Variants in KCTD16 observed in about 807,000 individuals in gnomAD.
The protein encoded by KCTD16 is BTB/POZ domain-containing protein KCTD16.
A neutral mutation model predicts 33.2 loss-of-function variants in KCTD16; 13 were observed. The ratio of observed to expected loss-of-function variants is 0.39; its 90% CI spans 0.25 to 0.62. The LOEUF is 0.62. KCTD16 is among the 20% of genes least tolerant of loss of function. The pLI is 0.50. For missense variants in KCTD16, 441 were observed against 525.1 expected, an observed-to-expected ratio of 0.84 and a Z score of 1.57; for synonymous variants, 197 against 195.3, an observed-to-expected ratio of 1.01 and a Z score of -0.07.
intron 3 of KCTD16, among the ~76,000 whole-genome samples, chr5:144,433,337 T>G (rs1360889116): frequency 6.6e-6 from 1 of 152,128 alleles, no homozygotes; most frequent in Admixed American, 6.6e-5. Flanking sequence ...TGAGGCAATA[T>G]GGACTGGCAC....
rs1279875458 is a variant in KCTD16 at position 144,342,487 on chromosome 5, G to A, written c.833-131173G>A. ...AAGGAGATTTTGGGCTGAGACAATG[G>A]GGTTTTCTAGATATACAATCATGTC... On this transcript the variant is annotated intron_variant, in intron 3 of 3. Coordinates refer to ENST00000512467, the MANE Select transcript of KCTD16 (RefSeq NM_020768.4). Among the ~76,000 whole-genome samples the A allele has an allele frequency of 2.6e-5, 4 of 152,272 alleles. No homozygotes were observed. The East Asian group carries it at 7.7e-4, about 29-fold the overall frequency.
intron 3 of KCTD16, among the ~76,000 whole-genome samples, chr5:144,382,334 G>T (rs776722366): frequency 4.6e-5 from 7 of 151,730 alleles, no homozygotes; most frequent in Non-Finnish European, 7.4e-5. Context: ...CCAGCAATAC[G>T]CAATTTACTC....
chr5:144,275,031 G>T (rs555401650), intron 3 of KCTD16, among the ~76,000 whole-genome samples: 1 of 152,138 alleles, frequency 6.6e-6, no homozygotes, highest in Non-Finnish European at 1.5e-5. Context: ...TTCTTTAACC[G>T]TATATTAAAA....
At chr5:144,254,819 G>A (rs1049922863) in intron 3 of KCTD16, among the ~76,000 whole-genome samples, 9 of 151,960 alleles carry the variant, frequency 5.9e-5, no homozygotes, top group Non-Finnish European at 2.9e-5. Flanking sequence ...GAGTGCAGTG[G>A]TGTAATCACA....
At chr5:144,369,101 G>C (rs1751904248) in intron 3 of KCTD16, among the ~76,000 whole-genome samples, 1 of 152,066 alleles carries the variant, frequency 6.6e-6, no homozygotes, top group Non-Finnish European at 1.5e-5. Context: ...GTGTGAGAGA[G>C]AAAAGGAGCC....
Position 144,484,532 on chromosome 5 carries a change from C to T in KCTD16, c.*10418C>T, listed in dbSNP as rs1754764471. 1 of 151,918 alleles carries T rather than the reference C, an allele frequency of 6.6e-6. No homozygotes were observed. Among genetic ancestry groups the T allele is most frequent in the Admixed American group, 6.6e-5 (1 of 15,218 alleles). The allele number at this position is 151,918 out of a possible 1,614,324, so 9.4% of individuals were successfully genotyped here. ...TTTTTACATAACATCAGCACCACCC[C>T]TTACACTTTTAAAGTTAAAGACCCT... On this transcript the variant is annotated 3_prime_UTR_variant, in exon 4 of 4. Coordinates refer to ENST00000512467, the MANE Select transcript of KCTD16 (RefSeq NM_020768.4).
chr5:144,410,683 C>T (rs111432631), intron 3 of KCTD16, among the ~76,000 whole-genome samples: 1 of 152,250 alleles, frequency 6.6e-6, no homozygotes, highest in African/African-American at 2.4e-5. Context: ...GTTCTCAGCT[C>T]ATGTTGTCAT....
At chr5:144,390,216 A>C (rs1463973541) in intron 3 of KCTD16, among the ~76,000 whole-genome samples, 1 of 152,240 alleles carries the variant, frequency 6.6e-6, no homozygotes, top group African/African-American at 2.4e-5. Context: ...CTATCTGCCC[A>C]GCCAGGTAGA....
chr5:144,414,076 A>G (rs775685265), intron 3 of KCTD16, among the ~76,000 whole-genome samples: 16 of 152,208 alleles, frequency 1.1e-4, no homozygotes, highest in Non-Finnish European at 1.6e-4. Flanking sequence ...CACCTGTAAG[A>G]CTTCTGGGTG....
chr5:144,421,639 C>T (rs1190599731), intron 3 of KCTD16, among the ~76,000 whole-genome samples: 2 of 152,072 alleles, frequency 1.3e-5, no homozygotes, highest in East Asian at 3.9e-4. Flanking sequence ...AAAGATAGGG[C>T]TACTGTCTCC....
At position 144,217,860 on chromosome 5, in the gene KCTD16, A is replaced by T. The variant is rs374399074; in HGVS notation, c.832+10314A>T. 1.1e-4 allele frequency among the ~76,000 whole-genome samples: 17 copies of T among 152,120 alleles called. No individual in the cohort carries two copies. The East Asian group carries it at 2.9e-3, about 26-fold the overall frequency. On this transcript the variant is annotated intron_variant, in intron 3 of 3. Transcript: ENST00000512467. ...TACATGCAGACCAAAAAAAAAAAAA[A>T]GTAATGAAGTGTAATTTTGTTTTCT...
intron 3 of KCTD16, among the ~76,000 whole-genome samples, chr5:144,355,735 T>C (rs898704039): frequency 4.6e-5 from 7 of 152,148 alleles, no homozygotes; most frequent in Non-Finnish European, 8.8e-5. Flanking sequence ...GCTTCTCCCT[T>C]TGTTTTCTTC....
chr5:144,257,861 T>C (rs139636947), intron 3 of KCTD16, among the ~76,000 whole-genome samples: 18 of 152,280 alleles, frequency 1.2e-4, no homozygotes, highest in African/African-American at 3.4e-4. Flanking sequence ...GATTGATTTC[T>C]GGGACAACAC....
chr5:144,179,759 A>G (rs531736514), intron 2 of KCTD16, among the ~76,000 whole-genome samples: 1 of 152,342 alleles, frequency 6.6e-6, no homozygotes, highest in South Asian at 2.1e-4. Flanking sequence ...CAGAAACTCT[A>G]TTAGAAGAGA....
chr5:144,437,693 T>C (rs983771731), intron 3 of KCTD16, among the ~76,000 whole-genome samples: 3 of 152,204 alleles, frequency 2.0e-5, no homozygotes, highest in African/African-American at 7.2e-5. Context: ...CCGTTGTTTT[T>C]CCTATTTTTT....
intron 3 of KCTD16, among the ~76,000 whole-genome samples, chr5:144,441,088 C>G (rs1028029232): frequency 2.0e-5 from 3 of 151,918 alleles, no homozygotes; most frequent in Non-Finnish European, 2.9e-5. Flanking sequence ...CTATTCGGAT[C>G]CTTTGTTCAT....
chr5:144,225,136 A>G (rs1753890752), intron 3 of KCTD16, among the ~76,000 whole-genome samples: 1 of 152,172 alleles, frequency 6.6e-6, no homozygotes, highest in African/African-American at 2.4e-5. Context: ...AAACAGAGCT[A>G]TTCAAGGGAG....
intron 3 of KCTD16, among the ~76,000 whole-genome samples, chr5:144,302,335 A>G (rs530691688): frequency 6.6e-6 from 1 of 152,358 alleles, no homozygotes; most frequent in African/African-American, 2.4e-5. Context: ...AATAAGTTTA[A>G]AACAAGAATA....
intron 2 of KCTD16, chr5:144,205,270 C>A: frequency 3.1e-6 from 1 of 327,328 alleles, no homozygotes; most frequent in East Asian, 4.7e-5. Context: ...GTCCTGGCAA[C>A]CTGTCACCGA....
Sources: allele counts gnomAD v4.1 joint callset (sites outside exome capture counted in the v4.1 genomes callset), GRCh38; gene constraint gnomAD v4.1.1; transcripts MANE v1.5; gene names NCBI Gene and HGNC (gene_info 2026-07-23, HGNC 2026-07-21).